Variants in LRGUK observed in about 807,000 individuals in gnomAD.
The protein encoded by LRGUK is leucine-rich repeat and guanylate kinase domain-containing protein.
In LRGUK, 65 loss-of-function variants were observed where a neutral mutation model predicts 76.0. That is an observed-to-expected ratio of 0.85 (90% confidence interval 0.70 to 1.05). LRGUK has a LOEUF of 1.05. Ranked by LOEUF, LRGUK falls within the 50% of genes least tolerant of loss-of-function variation. LRGUK has a pLI of 0.00. For synonymous variants in LRGUK, 268 were observed against 265.6 expected (o/e 1.01, Z -0.09); for missense variants, 758 against 732.8 (o/e 1.03, Z -0.40).
At chr7:134,155,396 T>C (rs1432048001) in intron 5 of LRGUK, among the ~76,000 whole-genome samples, 2 of 152,216 alleles carry the variant, frequency 1.3e-5, no homozygotes, top group African/African-American at 2.4e-5. Flanking sequence ...AGGGCTATTC[T>C]GGCAGGAAGC....
At chr7:134,194,062 T>G (rs1395124724) in intron 12 of LRGUK, among the ~76,000 whole-genome samples, 1 of 152,150 alleles carries the variant, frequency 6.6e-6, no homozygotes, top group East Asian at 1.9e-4. Context: ...CTCCCTCTCC[T>G]GTAGAAATAA....
At chr7:134,178,598 G>T (rs1325515553) in exon 10 of LRGUK, 1 of 1,611,338 alleles carries the variant, frequency 6.2e-7, no homozygotes, top group South Asian at 1.1e-5. Context: ...AGCCGCAGAG[G>T]ATCTTTGACA....
At chr7:134,127,444 G>T (rs767934008) in exon 1 of LRGUK, 3 of 1,613,816 alleles carry the variant, frequency 1.9e-6, no homozygotes, top group African/African-American at 2.7e-5. Context: ...TCCCGAACTG[G>T]AGCCCGATCG....
intron 2 of LRGUK, among the ~76,000 whole-genome samples, chr7:134,137,621 A>G (rs1797591107): frequency 6.6e-6 from 1 of 151,850 alleles, no homozygotes; most frequent in African/African-American, 2.4e-5. Flanking sequence ...AAAAAAATCT[A>G]TTATTATTCA....
chr7:134,170,812 T>G (rs1461359969), intron 7 of LRGUK, among the ~76,000 whole-genome samples: 1 of 152,192 alleles, frequency 6.6e-6, no homozygotes, highest in East Asian at 1.9e-4. Context: ...ATTAACTCAT[T>G]TAAAAAATAG....
At chr7:134,226,576 A>G (rs1801770022) in intron 16 of LRGUK, among the ~76,000 whole-genome samples, 1 of 152,058 alleles carries the variant, frequency 6.6e-6, no homozygotes, top group Non-Finnish European at 1.5e-5. Flanking sequence ...ATCTATGTTC[A>G]TTTCTATTTC....
chr7:134,148,426 A>G (rs1278566657), intron 5 of LRGUK, 107 bp downstream of exon 5: 1 of 653,774 alleles, frequency 1.5e-6, no homozygotes, highest in Non-Finnish European at 2.6e-6. Flanking sequence ...CAGATAAGCA[A>G]TTTAATAGAG....
In LRGUK at chr7:134,209,119, G is replaced by A. The variant is rs539377005; in HGVS notation, c.2256G>A (p.Pro752=). The A allele has an allele frequency of 1.3e-5, 5 of 399,038 alleles. No homozygotes were observed. In the South Asian group the frequency reaches 5.1e-4, roughly 41 times the overall value. The allele number at this position is 399,038 out of a possible 1,614,324, so 24.7% of individuals were successfully genotyped here. ...AGGTTGGGCAGTCTCCCATCACCCC[G>A]ACCCTGGTGCCTCCTGTGCACCCTT... The change falls in exon 16 of 16, where the codon CCG becomes CCA. Residue 752 remains proline (P), a synonymous_variant. Transcript: ENST00000645682.
intron 1 of LRGUK, among the ~76,000 whole-genome samples, chr7:134,131,615 T>A (rs1384246679): frequency 6.6e-6 from 1 of 152,144 alleles, no homozygotes; most frequent in Non-Finnish European, 1.5e-5. Flanking sequence ...GTTGTAGGAA[T>A]ATGGACTTTG....
the LRGUK span, among the ~76,000 whole-genome samples, chr7:134,274,602 T>TTTC: frequency 0.15 from 22,455 of 152,060 alleles, 4,258 homozygotes; most frequent in African/African-American, 0.44. Context: ...TTTTAGTCTC[T>TTTC]TTCTTATATA....
At chr7:134,176,208 A>G (rs6467520) in intron 8 of LRGUK, among the ~76,000 whole-genome samples, 26,161 of 151,946 alleles carry the variant, frequency 0.17, 3,123 homozygotes, top group East Asian at 0.38. Flanking sequence ...GGAGAACAAC[A>G]TACCCTGGGG....
intron 16 of LRGUK, among the ~76,000 whole-genome samples, chr7:134,246,830 T>G (rs1802313955): frequency 6.6e-6 from 1 of 152,224 alleles, no homozygotes; most frequent in Admixed American, 6.5e-5. Context: ...ATCTTTTCTG[T>G]AAATTAAGAA....
At chr7:134,254,594 C>CCT (rs1282341210) in intron 18 of LRGUK, among the ~76,000 whole-genome samples, 1 of 152,080 alleles carries the variant, frequency 6.6e-6, no homozygotes, top group East Asian at 1.9e-4. Context: ...GAGGGCCTCA[C>CCT]CCTCATAACC....
intron 5 of LRGUK, among the ~76,000 whole-genome samples, chr7:134,154,415 A>C (rs1228736445): frequency 6.6e-6 from 1 of 152,234 alleles, no homozygotes; most frequent in African/African-American, 2.4e-5. Flanking sequence ...AAGACCATCT[A>C]TGAACTCAAA....
chr7:134,256,369 G>A (rs1297569163), intron 18 of LRGUK, among the ~76,000 whole-genome samples: 2 of 149,182 alleles, frequency 1.3e-5, no homozygotes, highest in Admixed American at 1.4e-4. Flanking sequence ...TGAGGCAGGA[G>A]AATGACTTGA....
intron 16 of LRGUK, among the ~76,000 whole-genome samples, chr7:134,241,781 C>A (rs1802160448): frequency 6.6e-6 from 1 of 152,060 alleles, no homozygotes; most frequent in Admixed American, 6.5e-5. Flanking sequence ...CACACTTATT[C>A]CAAAATTGAA....
chr7:134,179,985 C>A (rs1273549393), intron 10 of LRGUK, among the ~76,000 whole-genome samples: 1 of 152,186 alleles, frequency 6.6e-6, no homozygotes, highest in African/African-American at 2.4e-5. Context: ...ACTGTCCCCT[C>A]TCCTGGTATA....
chr7:134,206,193 C>A (rs1585554354), intron 15 of LRGUK, among the ~76,000 whole-genome samples: 1 of 152,164 alleles, frequency 6.6e-6, no homozygotes, highest in East Asian at 1.9e-4. Flanking sequence ...TGATTATAAA[C>A]CCTGAAATCT....
At chr7:134,143,202 T>TGC in intron 4 of LRGUK, 40 bp downstream of exon 4, 1 of 1,176,762 alleles carries the variant, frequency 8.5e-7, no homozygotes, top group Non-Finnish European at 1.3e-6. Context: ...TTAAGGGGTT[T>TGC]GCAAAAGTGC....
Sources: allele counts gnomAD v4.1 joint callset (sites outside exome capture counted in the v4.1 genomes callset), GRCh38; gene constraint gnomAD v4.1.1; transcripts MANE v1.5; gene names NCBI Gene and HGNC (gene_info 2026-07-23, HGNC 2026-07-21).